Variants in EYS observed in about 807,000 individuals in gnomAD.
EYS encodes EGF-like photoreceptor maintenance factor.
EYS carries 250 observed loss-of-function variants against 282.1 expected under a neutral mutation model. The ratio of observed to expected loss-of-function variants is 0.89; its 90% CI spans 0.80 to 0.98. EYS has a LOEUF of 0.98. Among genes scored for constraint, EYS ranks in the 50% least tolerant of loss-of-function variants. The pLI is 0.00. For synonymous variants in EYS, 1,355 were observed against 1,282.9 expected (o/e 1.06, Z -1.20); for missense variants, 4,016 against 3,709.0 (o/e 1.08, Z -2.15).
At position 65,157,392 on chromosome 6, in the gene EYS, T is replaced by A. The variant is rs553488122; in HGVS notation, c.2024-99665A>T. On this transcript the variant is annotated intron_variant, in intron 12 of 42. Transcript: ENST00000503581. ...CTATAGAGTTTAATTATTTCCCAGA[T>A]TTTTCTATTTCTATACTTACCTACC... is the stretch of plus-strand genomic sequence containing the variant. Among the ~76,000 whole-genome samples the A allele has an allele frequency of 5.3e-5, 8 of 150,934 alleles. No homozygotes were observed. The South Asian group carries it at 1.5e-3, about 27-fold the overall frequency.
At chr6:64,937,403 G>T (rs1002252453) in intron 15 of EYS, among the ~76,000 whole-genome samples, 3 of 151,430 alleles carry the variant, frequency 2.0e-5, no homozygotes, top group African/African-American at 7.3e-5. Flanking sequence ...TTGATAATTG[G>T]CTTGTATCCA....
At chr6:64,654,110 T>C (rs1768662856) in intron 22 of EYS, among the ~76,000 whole-genome samples, 1 of 152,210 alleles carries the variant, frequency 6.6e-6, no homozygotes, top group African/African-American at 2.4e-5. Flanking sequence ...TATTTGTATA[T>C]GTCAGGTTTT....
At chr6:65,254,871 T>C (rs1043376142) in intron 12 of EYS, among the ~76,000 whole-genome samples, 6 of 151,948 alleles carry the variant, frequency 3.9e-5, no homozygotes, top group Non-Finnish European at 5.9e-5. Context: ...TATGGCTCCA[T>C]TTTCACTTTT....
intron 22 of EYS, among the ~76,000 whole-genome samples, chr6:64,629,866 G>A (rs925512358): frequency 1.3e-5 from 2 of 152,048 alleles, no homozygotes; most frequent in Non-Finnish European, 2.9e-5. Flanking sequence ...GTTTCTTCCT[G>A]TTCAATCTAC....
chr6:65,050,323 A>G (rs114951243), intron 13 of EYS, among the ~76,000 whole-genome samples: 43 of 151,778 alleles, frequency 2.8e-4, no homozygotes, highest in Non-Finnish European at 5.6e-4. Context: ...ATAAAAACCA[A>G]TATTTGCTCC....
intron 22 of EYS, among the ~76,000 whole-genome samples, chr6:64,748,961 C>T (rs555074478): frequency 1.4e-4 from 21 of 152,100 alleles, no homozygotes; most frequent in African/African-American, 3.6e-4. Context: ...TTAGTAGAAA[C>T]GGGGTTTCAC....
At chr6:64,075,649 A>T (rs780670740) in intron 32 of EYS, among the ~76,000 whole-genome samples, 13 of 151,936 alleles carry the variant, frequency 8.6e-5, no homozygotes, top group Non-Finnish European at 1.6e-4. Flanking sequence ...TGGATATAAC[A>T]TTCGTAACAC....
chr6:65,360,091 T>C (rs925934921), intron 8 of EYS, among the ~76,000 whole-genome samples: 3 of 151,954 alleles, frequency 2.0e-5, no homozygotes, highest in Non-Finnish European at 2.9e-5. Context: ...TTGTTAAAAA[T>C]TGGAAGTATA....
chr6:65,567,202 C>T (rs1369969119), intron 2 of EYS, among the ~76,000 whole-genome samples: 1 of 151,548 alleles, frequency 6.6e-6, no homozygotes, highest in African/African-American at 2.4e-5. Context: ...GCACTTCAAC[C>T]TGGGAATGCC....
intron 12 of EYS, among the ~76,000 whole-genome samples, chr6:65,087,046 C>G (rs1273042072): frequency 6.6e-6 from 1 of 152,090 alleles, no homozygotes; most frequent in Non-Finnish European, 1.5e-5. Flanking sequence ...CAGTCTCAAT[C>G]TCTTGACCTC....
rs114600012 is a variant in EYS at position 64,130,820 on chromosome 6, A to G, written c.6425-48818T>C. Among the ~76,000 whole-genome samples, 1,025 of 152,236 alleles carry G rather than the reference A, an allele frequency of 6.7e-3. 11 individuals carry two copies. The highest frequency in any genetic ancestry group is 0.023 in the African/African-American group (948 of 41,554). On this transcript the variant is annotated intron_variant, in intron 31 of 42. Transcript: ENST00000503581. Reference sequence around the variant, plus strand: ...AGTGGGAGGAGATTGTGGGAACCAAACAAGCTATGCTGAGCCTTGGAGGCT... The same window carrying G: ...AGTGGGAGGAGATTGTGGGAACCAAGCAAGCTATGCTGAGCCTTGGAGGCT...
intron 33 of EYS, among the ~76,000 whole-genome samples, chr6:64,023,904 G>T (rs577311259): frequency 6.6e-6 from 1 of 152,360 alleles, no homozygotes; most frequent in East Asian, 1.9e-4. Context: ...CCAGGGCACC[G>T]AGGGGCTTAG....
intron 30 of EYS, among the ~76,000 whole-genome samples, chr6:64,255,591 T>G (rs1186880551): frequency 6.6e-6 from 1 of 152,082 alleles, no homozygotes; most frequent in Non-Finnish European, 1.5e-5. Flanking sequence ...ACCATTTGTA[T>G]ACTAGAGAGG....
intron 12 of EYS, among the ~76,000 whole-genome samples, chr6:65,177,965 A>T (rs1765269646): frequency 6.6e-6 from 1 of 151,934 alleles, no homozygotes; most frequent in African/African-American, 2.4e-5. Flanking sequence ...TCAGTTTGTT[A>T]GTCCCTTTCA....
chr6:65,593,879 G>A (rs1003267263), intron 2 of EYS, among the ~76,000 whole-genome samples: 4 of 151,838 alleles, frequency 2.6e-5, no homozygotes, highest in African/African-American at 9.7e-5. Context: ...ACCAGGTATT[G>A]TTCCAAAAAA....
intron 22 of EYS, among the ~76,000 whole-genome samples, chr6:64,735,479 C>T (rs1037333800): frequency 3.3e-5 from 5 of 152,170 alleles, no homozygotes; most frequent in Middle Eastern, 3.4e-3. Context: ...GAATATACTC[C>T]TTTCAGATAA....
At chr6:64,511,484 A>G (rs1394859224) in intron 26 of EYS, among the ~76,000 whole-genome samples, 1 of 151,934 alleles carries the variant, frequency 6.6e-6, no homozygotes, top group Non-Finnish European at 1.5e-5. Flanking sequence ...GCTTCAATTT[A>G]ATGCATTTAG....
chr6:65,641,571 G>C (rs1767277987), intron 1 of EYS, among the ~76,000 whole-genome samples: 1 of 152,176 alleles, frequency 6.6e-6, no homozygotes, highest in African/African-American at 2.4e-5. Context: ...AAGTTTTAGT[G>C]CTATAATAAA....
chr6:65,130,861 G>A (rs979534572), intron 12 of EYS, among the ~76,000 whole-genome samples: 7 of 149,628 alleles, frequency 4.7e-5, no homozygotes, highest in African/African-American at 1.7e-4. Flanking sequence ...TTAATAAGTT[G>A]TTTTTAAAAA....
Sources: allele counts gnomAD v4.1 joint callset (sites outside exome capture counted in the v4.1 genomes callset), GRCh38; gene constraint gnomAD v4.1.1; transcripts MANE v1.5; gene names NCBI Gene and HGNC (gene_info 2026-07-23, HGNC 2026-07-21).